DNAH6: variants seen among roughly 807,000 people sequenced by gnomAD.
DNAH6 encodes dynein axonemal heavy chain 6, also known as axonemal beta dynein heavy chain 6.
In DNAH6, 340 loss-of-function variants were observed where a neutral mutation model predicts 491.4. That is an observed-to-expected ratio of 0.69 (90% CI 0.63 to 0.76). The LOEUF (loss-of-function observed/expected upper bound fraction) is 0.76. DNAH6 is among the 30% of genes least tolerant of loss of function. The pLI is 0.00. For missense variants in DNAH6, 4,443 were observed against 4,972.2 expected, an observed-to-expected ratio of 0.89 and a Z score of 3.20; for synonymous variants, 1,603 against 1,686.1, an observed-to-expected ratio of 0.95 and a Z score of 1.21.
chr2:84,621,676 C>A, intron 26 of DNAH6, 125 bp downstream of exon 26: 1 of 555,990 alleles, frequency 1.8e-6, no homozygotes. Flanking sequence ...TTTGTAATAG[C>A]TCTTACAAAG....
At chr2:84,692,110 C>T (rs138667915) in intron 45 of DNAH6, among the ~76,000 whole-genome samples, 2 of 152,208 alleles carry the variant, frequency 1.3e-5, no homozygotes, top group Non-Finnish European at 2.9e-5. Context: ...TCTTACACTA[C>T]ATAGCTCCTA....
At chr2:84,676,890 C>T in intron 40 of DNAH6, 115 bp from the exon 41 acceptor site, 2 of 1,173,724 alleles carry the variant, frequency 1.7e-6, no homozygotes, top group East Asian at 5.2e-5. Context: ...AGTCATTTAA[C>T]ATGCACAAAA....
the DNAH6 span, among the ~76,000 whole-genome samples, chr2:84,489,311 T>C: frequency 6.6e-6 from 1 of 152,176 alleles, no homozygotes; most frequent in South Asian, 2.1e-4. Flanking sequence ...GGCATCATTA[T>C]TTCTTGAGAA....
intron 26 of DNAH6, 132 bp from the exon 27 acceptor site, chr2:84,624,133 G>C: frequency 1.3e-6 from 1 of 778,038 alleles, no homozygotes; most frequent in Non-Finnish European, 2.0e-6. Context: ...GTCCTGTTTG[G>C]TCACAAAATT....
the DNAH6 span, among the ~76,000 whole-genome samples, chr2:84,464,678 A>G: frequency 6.6e-6 from 1 of 152,254 alleles, no homozygotes; most frequent in South Asian, 2.1e-4. Context: ...TGATGTTGCC[A>G]TGGCATTTGT....
chr2:84,697,891 T>G, intron 47 of DNAH6, 164 bp downstream of exon 47: 1 of 728,926 alleles, frequency 1.4e-6, no homozygotes, highest in East Asian at 2.8e-5. Flanking sequence ...TTTAAAGCAT[T>G]GGGTCACCAG....
chr2:84,684,548 A>G (rs1398490010), intron 42 of DNAH6, among the ~76,000 whole-genome samples: 1 of 152,196 alleles, frequency 6.6e-6, no homozygotes, highest in Non-Finnish European at 1.5e-5. Context: ...ACACACAAAC[A>G]CCAATGTGAG....
intron 63 of DNAH6, among the ~76,000 whole-genome samples, chr2:84,749,046 C>T (rs921206497): frequency 2.0e-5 from 3 of 152,176 alleles, no homozygotes; most frequent in African/African-American, 4.8e-5. Context: ...TGAGAACTCA[C>T]TCATTTCTGT....
intron 3 of DNAH6, among the ~76,000 whole-genome samples, 164 bp from the exon 4 acceptor site, chr2:84,528,736 ATGAC>A (rs1208650425): frequency 6.6e-6 from 1 of 152,200 alleles, no homozygotes; most frequent in African/African-American, 2.4e-5. Context: ...GAGAAGGAAT[ATGAC>A]TGCCTAACAA....
At chr2:84,617,680 A>G (rs1687007284) in intron 23 of DNAH6, among the ~76,000 whole-genome samples, 2 of 152,058 alleles carry the variant, frequency 1.3e-5, no homozygotes, top group South Asian at 2.1e-4. Context: ...TTATTGTTGA[A>G]TGAATATGTG....
chr2:84,616,818 G>T, intron 22 of DNAH6, 68 bp from the exon 23 acceptor site: 1 of 708,114 alleles, frequency 1.4e-6, no homozygotes, highest in South Asian at 2.7e-5. Context: ...ATTTTAAAGT[G>T]ATATTTTTTC....
rs577725114 is a variant in DNAH6, at chr2:84,568,944, G to A, written c.1804-4523G>A. Among the ~76,000 whole-genome samples, 325 of 152,188 alleles carry A rather than the reference G, an allele frequency of 2.1e-3. 2 individuals carry two copies. Among genetic ancestry groups the A allele is most frequent in the Non-Finnish European group, 3.8e-3 (259 of 67,994 alleles). Reference sequence around the variant, plus strand: ...ACAAACGCTCTCACATTAAGCTTGTGGGAATGCAAAAAATAAAAGAACATT... The same window carrying A: ...ACAAACGCTCTCACATTAAGCTTGTAGGAATGCAAAAAATAAAAGAACATT... On this transcript the variant is annotated intron_variant, in intron 11 of 76. Transcript: ENST00000389394.
chr2:84,637,338 A>G lies in DNAH6; in HGVS notation c.4782A>G (p.Pro1594=), dbSNP rs1335236650. The G allele has an allele frequency of 1.3e-6, 2 of 1,548,624 alleles. No individual in the cohort carries two copies. Among genetic ancestry groups the G allele is most frequent in the African/African-American group, 1.4e-5 (1 of 72,988 alleles). Reference sequence around the variant, plus strand: ...ATAATTTGAAAGCCCTGTTTAGACCATTTGCGATGATGGTTCCAAATTATG... The same window carrying G: ...ATAATTTGAAAGCCCTGTTTAGACCGTTTGCGATGATGGTTCCAAATTATG... ...LPDNLKALFR[P]FAMMVPNYAL... Residue 1594 remains proline, a synonymous_variant, in exon 31 of 77, where the codon CCA becomes CCG. Coordinates refer to ENST00000389394, the MANE Select transcript of DNAH6 (RefSeq NM_001370.2).
chr2:84,572,397 G>A (rs76617230), intron 11 of DNAH6, among the ~76,000 whole-genome samples: 4,365 of 152,190 alleles, frequency 0.029, 227 homozygotes, highest in African/African-American at 0.099. Context: ...TTTGAACATC[G>A]GTGGGGCTTT....
chr2:84,634,141 T>G (rs1337049172), intron 29 of DNAH6, among the ~76,000 whole-genome samples: 1 of 152,192 alleles, frequency 6.6e-6, no homozygotes, highest in East Asian at 1.9e-4. Flanking sequence ...CAATGAAAGC[T>G]TCCATTAGTA....
chr2:84,733,906 A>G (rs1699317303), intron 62 of DNAH6, among the ~76,000 whole-genome samples: 2 of 151,776 alleles, frequency 1.3e-5, no homozygotes, highest in African/African-American at 2.4e-5. Flanking sequence ...GAAGGATAAC[A>G]TAAATCCAGA....
intron 4 of DNAH6, among the ~76,000 whole-genome samples, chr2:84,530,270 G>A (rs570592481): frequency 9.5e-4 from 145 of 152,274 alleles, no homozygotes; most frequent in Non-Finnish European, 1.7e-3. Context: ...AGAGGATTAG[G>A]AGTGCTGGGG....
chr2:84,538,612 AG>A (rs1347257381), intron 4 of DNAH6, among the ~76,000 whole-genome samples: 1 of 152,136 alleles, frequency 6.6e-6, no homozygotes, highest in African/African-American at 2.4e-5. Context: ...TCTCATTGAT[AG>A]ATGGTTAACA....
At chr2:84,712,316 T>C (rs1237486976) in intron 56 of DNAH6, among the ~76,000 whole-genome samples, 1 of 152,260 alleles carries the variant, frequency 6.6e-6, no homozygotes, top group African/African-American at 2.4e-5. Flanking sequence ...CATGTCACAA[T>C]GTGGAACAGA....
Sources: allele counts gnomAD v4.1 joint callset (sites outside exome capture counted in the v4.1 genomes callset), GRCh38; gene constraint gnomAD v4.1.1; transcripts MANE v1.5; gene names NCBI Gene and HGNC (gene_info 2026-07-23, HGNC 2026-07-21).